Variants in EML4 observed in about 807,000 individuals in gnomAD.
The protein encoded by EML4 is EMAP like 4.
In EML4, 72 loss-of-function variants were observed where a neutral mutation model predicts 129.0. That is an observed-to-expected ratio of 0.56 (90% CI 0.46 to 0.68). The LOEUF (loss-of-function observed/expected upper bound fraction) is 0.68, where lower values mean the gene tolerates loss of function less well. Ranked by LOEUF, EML4 falls within the 30% of genes least tolerant of loss-of-function variation. The pLI is 0.00. For synonymous variants in EML4, 532 were observed against 405.0 expected (o/e 1.31, Z -3.77); for missense variants, 1,363 against 1,190.6 (o/e 1.14, Z -2.13).
At chr2:42,198,136 AAG>A (rs1371383409) in intron 1 of EML4, among the ~76,000 whole-genome samples, 1 of 152,220 alleles carries the variant, frequency 6.6e-6, no homozygotes, top group Non-Finnish European at 1.5e-5. Flanking sequence ...GTAATGGAAA[AAG>A]AGAATGTCCA....
intron 17 of EML4, among the ~76,000 whole-genome samples, chr2:42,308,194 C>T (rs996480553): frequency 6.6e-6 from 1 of 152,140 alleles, no homozygotes; most frequent in Non-Finnish European, 1.5e-5. Flanking sequence ...CTTAAGTGGA[C>T]ATAGTACTTC....
intron 19 of EML4, among the ~76,000 whole-genome samples, chr2:42,324,170 C>T (rs1327236666): frequency 6.6e-6 from 1 of 152,112 alleles, no homozygotes. Context: ...TGGTGCACAC[C>T]TGTATTCCCA....
At chr2:42,224,357 C>T (rs1427655125) in intron 1 of EML4, among the ~76,000 whole-genome samples, 1 of 152,164 alleles carries the variant, frequency 6.6e-6, no homozygotes, top group Non-Finnish European at 1.5e-5. Flanking sequence ...AAGATTTCAT[C>T]CATGTTGCAG....
In EML4 at chr2:42,281,012, G is replaced by C. The variant is rs114177525; in HGVS notation, c.791+39G>C. 1.6e-3 allele frequency: 2,326 copies of C among 1,493,480 alleles called. 28 individuals carry two copies. In the African/African-American group the frequency reaches 0.03, roughly 19 times the overall value. 92.5% of individuals were successfully genotyped at this position (1,493,480 alleles called of 1,614,324 possible). A position where few individuals can be genotyped will look rare whatever the true frequency, so the allele number is the denominator to read the frequency against. On this transcript the variant is annotated intron_variant, in intron 7 of 22. Transcript: ENST00000318522. ...CCATGACAGCAAATTCATTTGCTTT[G>C]TCTCTAGTTAACAAATCAGTTAACG...
At chr2:42,246,545 G>A (rs1346893268) in intron 2 of EML4, among the ~76,000 whole-genome samples, 1 of 152,178 alleles carries the variant, frequency 6.6e-6, no homozygotes, top group East Asian at 1.9e-4. Flanking sequence ...CAGCAAATGA[G>A]AAGCAGATTT....
chr2:42,182,857 C>T (rs559653083), intron 1 of EML4, among the ~76,000 whole-genome samples: 3 of 152,266 alleles, frequency 2.0e-5, no homozygotes, highest in East Asian at 3.9e-4. Context: ...TGTAGGTTGC[C>T]ATCTTCTGTG....
intron 1 of EML4, among the ~76,000 whole-genome samples, chr2:42,197,698 A>G (rs1371038293): frequency 6.6e-6 from 1 of 152,180 alleles, no homozygotes; most frequent in Non-Finnish European, 1.5e-5. Context: ...TTTGAGAATG[A>G]TCATTTATTG....
intron 6 of EML4, among the ~76,000 whole-genome samples, chr2:42,276,808 A>G (rs1053427570): frequency 1.3e-5 from 2 of 152,234 alleles, no homozygotes; most frequent in Admixed American, 1.3e-4. Flanking sequence ...TGCTGTTTTC[A>G]CTATAATGTA....
chr2:42,317,302 T>G, intron 18 of EML4, 125 bp from the exon 19 acceptor site: 1 of 630,864 alleles, frequency 1.6e-6, no homozygotes, highest in South Asian at 2.0e-5. Context: ...GTGGATAGGA[T>G]TCATTCATTA....
chr2:42,203,602 C>T (rs1460559779), intron 1 of EML4, among the ~76,000 whole-genome samples: 1 of 149,680 alleles, frequency 6.7e-6, no homozygotes, highest in East Asian at 2.0e-4. Context: ...TACTAACAGC[C>T]GTTTATATAC....
At chr2:42,174,811 G>GT (rs765461178) in intron 1 of EML4, among the ~76,000 whole-genome samples, 60 of 150,370 alleles carry the variant, frequency 4.0e-4, no homozygotes, top group African/African-American at 9.0e-4. Flanking sequence ...CTAGAAAGTG[G>GT]TTTTTTTTTG....
chr2:42,273,840 A>G (rs1385247193), intron 6 of EML4, among the ~76,000 whole-genome samples: 2 of 152,158 alleles, frequency 1.3e-5, no homozygotes, highest in African/African-American at 2.4e-5. Flanking sequence ...TGATTTAACT[A>G]TTTTTACAGC....
At chr2:42,189,169 G>A (rs149994166) in intron 1 of EML4, among the ~76,000 whole-genome samples, 77 of 152,174 alleles carry the variant, frequency 5.1e-4, no homozygotes, top group African/African-American at 1.7e-3. Flanking sequence ...GACGAACCAC[G>A]AGCCTTATTT....
At chr2:42,259,468 C>T (rs1377263604) in intron 3 of EML4, among the ~76,000 whole-genome samples, 1 of 151,988 alleles carries the variant, frequency 6.6e-6, no homozygotes, top group East Asian at 1.9e-4. Flanking sequence ...ACTTAAATAT[C>T]TGAAATATTT....
chr2:42,263,546 A>G (rs1193157322), intron 5 of EML4, among the ~76,000 whole-genome samples: 1 of 150,742 alleles, frequency 6.6e-6, no homozygotes, highest in Non-Finnish European at 1.5e-5. Flanking sequence ...CTGGGACTAT[A>G]GGCACGTGCC....
intron 1 of EML4, among the ~76,000 whole-genome samples, chr2:42,198,922 G>T (rs1187686614): frequency 6.6e-6 from 1 of 152,188 alleles, no homozygotes; most frequent in Non-Finnish European, 1.5e-5. Flanking sequence ...TGGTATTGGT[G>T]GAGGCAGGAC....
intron 1 of EML4, among the ~76,000 whole-genome samples, chr2:42,182,098 TAATC>T (rs1170231112): frequency 6.6e-6 from 1 of 150,448 alleles, no homozygotes; most frequent in Non-Finnish European, 1.5e-5. Flanking sequence ...CTCCCCTACA[TAATC>T]AATCTCCTGT....
chr2:42,174,933 C>T (rs1408002062), intron 1 of EML4, among the ~76,000 whole-genome samples: 1 of 149,632 alleles, frequency 6.7e-6, no homozygotes, highest in African/African-American at 2.5e-5. Flanking sequence ...TTATCTGCCT[C>T]AGCCTCCCTA....
At chr2:42,210,082 C>T (rs1275901385) in intron 1 of EML4, among the ~76,000 whole-genome samples, 1 of 152,140 alleles carries the variant, frequency 6.6e-6, no homozygotes, top group Non-Finnish European at 1.5e-5. Flanking sequence ...TAGTATGGTA[C>T]ATTATAATTT....
Sources: gnomAD v4.1 joint callset for allele counts (sites outside exome capture counted in the v4.1 genomes callset) on GRCh38, gnomAD v4.1.1 for gene constraint, MANE v1.5 for transcripts, NCBI Gene and HGNC (gene_info 2026-07-23, HGNC 2026-07-21) for gene names.